ZFP69B: variants seen among roughly 807,000 people sequenced by gnomAD.
ZFP69B encodes the protein ZFP69 zinc finger protein B, also known as zinc finger protein 69 homolog B.
ZFP69B carries 20 observed loss-of-function variants against 19.7 expected under a neutral mutation model. That is an observed-to-expected ratio of 1.02 (90% CI 0.71 to 1.48). ZFP69B has a LOEUF of 1.48. ZFP69B is among the 40% of genes most tolerant of loss of function. The probability of loss-of-function intolerance (pLI) is 0.00; values close to 1 mark genes in which losing one functional copy is unlikely to be tolerated. For synonymous variants in ZFP69B, 220 were observed against 222.7 expected, an observed-to-expected ratio of 0.99 and a Z score of 0.11; for missense variants, 583 against 632.6, an observed-to-expected ratio of 0.92 and a Z score of 0.84.
At chr1:40,460,978 T>TC (rs1157325884) in intron 4 of ZFP69B, among the ~76,000 whole-genome samples, 7 of 73,960 alleles carry the variant, frequency 9.5e-5, no homozygotes, top group African/African-American at 5.1e-4. Context: ...AGACTTTGTC[T>TC]CAAAAAAAAA....
In ZFP69B at chr1:40,463,380, CAG is replaced by C. The variant is rs1256029415; in HGVS notation, c.1401_1402del (p.Arg467SerfsTer9). ...FSQRIHLSIHQRVHTGVKPYE... is the reference protein window; with the variant it reads ...FSQRIHLSIHXRVHTGVKPYE... ...CCAGAGAATACATCTTTCTATCCATCAGAGAGTCCATACTGGAGTAAAACCTT... is the reference window on the plus strand; with the variant it reads ...CCAGAGAATACATCTTTCTATCCATCAGAGTCCATACTGGAGTAAAACCTT... On this transcript the variant is annotated frameshift_variant, in exon 5 of 5. Coordinates refer to ENST00000361584, the MANE Select transcript of ZFP69B (RefSeq NM_023070.3). LOFTEE classifies it low-confidence loss of function (END_TRUNC). 6.2e-7 allele frequency: 1 copy of C among 1,614,042 alleles called. No individual in the cohort carries two copies.
rs1239656838 is a variant in ZFP69B, at chr1:40,450,939, C to T, written c.-23C>T. ...CCTATGGGCTAAGACAGAGGGTCCTCAGAAAGGAGTGCGGACGCCGTCATG... is the reference window on the plus strand; with the variant it reads ...CCTATGGGCTAAGACAGAGGGTCCTTAGAAAGGAGTGCGGACGCCGTCATG... On this transcript the variant is annotated 5_prime_UTR_variant, in exon 1 of 5. Coordinates refer to ENST00000361584, the MANE Select transcript of ZFP69B (RefSeq NM_023070.3). The T allele has an allele frequency of 6.5e-7, 1 of 1,536,738 alleles. No individual in the cohort carries two copies. Among genetic ancestry groups the T allele is most frequent in the Non-Finnish European group, 8.8e-7 (1 of 1,140,186 alleles).
chr1:40,456,475 C>G (rs17530993), intron 2 of ZFP69B, among the ~76,000 whole-genome samples: 10,553 of 152,288 alleles, frequency 0.069, 461 homozygotes, highest in Middle Eastern at 0.13. Context: ...AGGCAGAATT[C>G]ATGCTCCCTC....
At chr1:40,452,296 G>T (rs912053504) in intron 1 of ZFP69B, among the ~76,000 whole-genome samples, 12 of 152,350 alleles carry the variant, frequency 7.9e-5, no homozygotes, top group Admixed American at 5.9e-4. Flanking sequence ...ATAGTGAGGT[G>T]TGGTGGTCAC....
At position 40,463,541 on chromosome 1, in the gene ZFP69B, TAG is replaced by T; in HGVS notation, c.1559_1560del (p.Arg520ThrfsTer36). 1 of 1,613,818 alleles carries T rather than the reference TAG, an allele frequency of 6.2e-7. No homozygotes were observed. Among genetic ancestry groups the T allele is most frequent in the South Asian group, 1.1e-5 (1 of 91,014 alleles). ...CCTTCAGCTGTAGTTCATCCCTTAT[TAG>T]ACACTGCAAAACACATTTAAGAAAT... The part of the protein sequence containing the change: ...KAFSCSSSLI[R>X]HCKTHLRNTF... On this transcript the variant is annotated frameshift_variant, in exon 5 of 5. Transcript: ENST00000361584. LOFTEE classifies it low-confidence loss of function (END_TRUNC).
intron 4 of ZFP69B, 131 bp downstream of exon 4, chr1:40,457,570 C>T (rs887981594): frequency 2.8e-5 from 19 of 685,546 alleles, no homozygotes; most frequent in Non-Finnish European, 4.7e-5. Context: ...TTATCTCTGT[C>T]ACCCTTTTCC....
At chr1:40,460,554 T>C (rs776719663) in intron 4 of ZFP69B, among the ~76,000 whole-genome samples, 6 of 152,142 alleles carry the variant, frequency 3.9e-5, no homozygotes, top group South Asian at 2.1e-4. Context: ...CTTAAAGATA[T>C]AGACTTAAGG....
Position 40,451,045 on chromosome 1 carries a change from G to C in ZFP69B, c.84G>C (p.Arg28=), listed in dbSNP as rs748500474. The change falls in exon 1 of 5, where the codon CGG becomes CGC. Residue 28 remains arginine (R), a synonymous_variant. Coordinates refer to ENST00000361584, the MANE Select transcript of ZFP69B (RefSeq NM_023070.3). ...KLRHPKAATE[R]VALWEDVTKM... ...GTCATCCAAAGGCGGCCACGGAGCG[G>C]GTGGCCCTGTGGGAGGATGTGACTA... 101 of 1,550,030 alleles carry C rather than the reference G, an allele frequency of 6.5e-5. No homozygotes were observed. Among genetic ancestry groups the C allele is most frequent in the Non-Finnish European group, 8.5e-5 (98 of 1,146,382 alleles).
At chr1:40,455,838 T>C (rs1557506827) in intron 2 of ZFP69B, among the ~76,000 whole-genome samples, 1 of 152,208 alleles carries the variant, frequency 6.6e-6, no homozygotes, top group Non-Finnish European at 1.5e-5. Flanking sequence ...CTCCCACTTA[T>C]GAGTGAGAAC....
chr1:40,450,546 T>C lies in ZFP69B; in HGVS notation c.-416T>C, dbSNP rs209607. The C allele has an allele frequency of 0.39, 59,286 of 152,686 alleles. 12,447 individuals are homozygous for C. Among genetic ancestry groups the C allele is most frequent in the African/African-American group, 0.52 (21,582 of 41,482 alleles). The allele number at this position is 152,686 out of a possible 1,614,324, so 9.5% of individuals were successfully genotyped here. On this transcript the variant is annotated 5_prime_UTR_variant, in exon 1 of 5. Transcript: ENST00000361584. ...TTTTGTGGGCTGTGTCTGCCCACCGTCTCCGTGTATCTTTTGGAAACATTT... is the reference window on the plus strand; with the variant it reads ...TTTTGTGGGCTGTGTCTGCCCACCGCCTCCGTGTATCTTTTGGAAACATTT...
intron 2 of ZFP69B, 21 bp from the exon 3 acceptor site, chr1:40,456,924 G>A (rs775945229): frequency 6.2e-7 from 1 of 1,604,578 alleles, no homozygotes; most frequent in Non-Finnish European, 8.5e-7. Context: ...TGGCTGAAAA[G>A]GAACGTATTT....
chr1:40,463,689 C>A lies in ZFP69B; in HGVS notation c.*100C>A. ...CCATTTGTTTTTGGATTTCCAAAAA[C>A]GAACATTAAAAAAAAATGGTTTGGC... is the stretch of plus-strand genomic sequence containing the variant. On this transcript the variant is annotated 3_prime_UTR_variant, in exon 5 of 5. Coordinates refer to ENST00000361584, the MANE Select transcript of ZFP69B (RefSeq NM_023070.3). 2.6e-6 allele frequency: 3 copies of A among 1,154,072 alleles called. No individual in the cohort carries two copies. The highest frequency in any genetic ancestry group is 2.9e-5 in the Admixed American group (1 of 33,918). The allele number at this position is 1,154,072 out of a possible 1,614,324, so 71.5% of individuals were successfully genotyped here.
chr1:40,453,805 G>C (rs887466473), intron 1 of ZFP69B, among the ~76,000 whole-genome samples: 10 of 152,176 alleles, frequency 6.6e-5, no homozygotes, highest in Non-Finnish European at 1.5e-4. Context: ...CTGGGAGGTG[G>C]AAGTTGCAGT....
chr1:40,458,742 ACT>A (rs958271394), intron 4 of ZFP69B, among the ~76,000 whole-genome samples: 1 of 151,622 alleles, frequency 6.6e-6, no homozygotes, highest in African/African-American at 2.4e-5. Flanking sequence ...CTGGTCTCGA[ACT>A]CTTGGCCTCA....
rs1406077611 is a variant in ZFP69B, at chr1:40,456,972, G to A, written c.241G>A (p.Val81Met). The A allele has an allele frequency of 1.2e-6, 2 of 1,614,134 alleles. No individual in the cohort carries two copies. Among genetic ancestry groups the A allele is most frequent in the Non-Finnish European group, 8.5e-7 (1 of 1,179,998 alleles). Residue 81 changes from valine (V) to methionine (M), a missense_variant, in exon 3 of 5, where the codon GTG (valine) becomes ATG (methionine). Val to Met is a conservative substitution (Grantham distance 21). Coordinates refer to ENST00000361584, the MANE Select transcript of ZFP69B (RefSeq NM_023070.3). ...ACTGTTAACCTTCAAGGACGTATCT[G>A]TGGACTTCACTCAGGAGGAGTGGGG... ...QELLTFKDVS[V>M]DFTQEEWGQL...
In ZFP69B at chr1:40,454,248, A is replaced by G; in HGVS notation, c.173A>G (p.Glu58Gly). Residue 58 changes from glutamate to glycine, a missense_variant, in exon 2 of 5, where the codon GAG becomes GGG. Transcript: ENST00000361584. ...GATGAGACCCAGGGCGAAAGTTTAG[A>G]GAGTAGAGTGACCCTTGGATCCCTG... ...DADETQGESL[E>G]SRVTLGSLTA... 1 of 1,604,652 alleles carries G rather than the reference A, an allele frequency of 6.2e-7. No homozygotes were observed. The highest frequency in any genetic ancestry group is 1.1e-5 in the South Asian group (1 of 88,870).
At chr1:40,461,647 T>A (rs533321592) in intron 4 of ZFP69B, among the ~76,000 whole-genome samples, 2 of 151,866 alleles carry the variant, frequency 1.3e-5, no homozygotes, top group East Asian at 3.9e-4. Flanking sequence ...ATACAAAAAT[T>A]AGCCAGGTAT....
chr1:40,461,949 G>A (rs111504982), intron 4 of ZFP69B, among the ~76,000 whole-genome samples: 4,119 of 152,224 alleles, frequency 0.027, 182 homozygotes, highest in African/African-American at 0.094. Flanking sequence ...GGCTTGCTCT[G>A]TTGCCTAGGC....
chr1:40,451,032 C>G lies in ZFP69B; in HGVS notation c.71C>G (p.Ala24Gly), dbSNP rs779031080. ...TGGGTGAAGTTGCGTCATCCAAAGG[C>G]GGCCACGGAGCGGGTGGCCCTGTGG... is the stretch of plus-strand genomic sequence containing the variant. Reference protein sequence around the residue: ...STWVKLRHPKAATERVALWED... With the variant: ...STWVKLRHPKGATERVALWED... Residue 24 changes from alanine to glycine, a missense_variant, in exon 1 of 5, where the codon GCG (alanine) becomes GGG (glycine). Ala to Gly is a moderately conservative substitution (Grantham distance 60). Coordinates refer to ENST00000361584, the MANE Select transcript of ZFP69B (RefSeq NM_023070.3). 1 of 1,549,682 alleles carries G rather than the reference C, an allele frequency of 6.5e-7. No homozygotes were observed. The highest frequency in any genetic ancestry group is 8.7e-7 in the Non-Finnish European group (1 of 1,146,236).
Sources: gnomAD v4.1 joint callset for allele counts (sites outside exome capture counted in the v4.1 genomes callset) on GRCh38, gnomAD v4.1.1 for gene constraint, MANE v1.5 for transcripts, NCBI Gene and HGNC (gene_info 2026-07-23, HGNC 2026-07-21) for gene names.